Variants in NFIA observed in about 807,000 individuals in gnomAD.
NFIA encodes the protein nuclear factor I A, also known as nuclear factor 1 A-type.
A neutral mutation model predicts 62.8 loss-of-function variants in NFIA; 8 were observed. That is an observed-to-expected ratio of 0.13 (90% CI 0.07 to 0.23). NFIA has a LOEUF of 0.23. Ranked by LOEUF, NFIA falls within the 10% of genes least tolerant of loss-of-function variation. The pLI is 1.00. For synonymous variants in NFIA, 235 were observed against 238.1 expected, an observed-to-expected ratio of 0.99 and a Z score of 0.12; for missense variants, 410 against 642.1, an observed-to-expected ratio of 0.64 and a Z score of 3.91.
chr1:61,238,182 G>A lies in NFIA; in HGVS notation c.560-39338G>A, dbSNP rs567152473. On this transcript the variant is annotated intron_variant, in intron 2 of 10. Transcript: ENST00000403491. Reference sequence around the variant, plus strand: ...TAGCTTCTCGAATAACCCATTTTGTGTTAATTTATGTGAAAGGGAAGAAGT... The same window carrying A: ...TAGCTTCTCGAATAACCCATTTTGTATTAATTTATGTGAAAGGGAAGAAGT... Among the ~76,000 whole-genome samples, 6 of 152,276 alleles carry A rather than the reference G, an allele frequency of 3.9e-5. No homozygotes were observed. In the East Asian group the frequency reaches 9.6e-4, roughly 24 times the overall value.
At chr1:61,323,663 C>G (rs976770465) in intron 3 of NFIA, among the ~76,000 whole-genome samples, 12 of 152,054 alleles carry the variant, frequency 7.9e-5, no homozygotes, top group Non-Finnish European at 1.5e-4. Flanking sequence ...CAGAAACATC[C>G]CTGCACCTGA....
chr1:61,229,026 A>G (rs1011629544), intron 2 of NFIA, among the ~76,000 whole-genome samples: 4 of 152,158 alleles, frequency 2.6e-5, no homozygotes, highest in Non-Finnish European at 4.4e-5. Flanking sequence ...GAATGCAAAT[A>G]TATTGCCCAA....
At chr1:61,403,972 T>C in intron 7 of NFIA, 132 bp from the exon 8 acceptor site, 1 of 1,018,048 alleles carries the variant, frequency 9.8e-7, no homozygotes, top group Non-Finnish European at 1.5e-6. Flanking sequence ...ACCTATCCAG[T>C]GTTAAATTCA....
intron 2 of NFIA, among the ~76,000 whole-genome samples, chr1:61,154,966 C>T (rs931958634): frequency 6.6e-6 from 1 of 152,184 alleles, no homozygotes; most frequent in Non-Finnish European, 1.5e-5. Context: ...AGCTTAGGCT[C>T]TGGGGTTCCT....
At chr1:61,320,652 A>C (rs189863846) in intron 3 of NFIA, among the ~76,000 whole-genome samples, 2 of 152,248 alleles carry the variant, frequency 1.3e-5, no homozygotes, top group Non-Finnish European at 2.9e-5. Flanking sequence ...AAATTAGCAC[A>C]TGGCCCCTGG....
At chr1:61,219,723 A>AAAAAAAAAAG (rs1487149998) in intron 2 of NFIA, among the ~76,000 whole-genome samples, 11 of 137,680 alleles carry the variant, frequency 8.0e-5, no homozygotes, top group African/African-American at 3.2e-4. Flanking sequence ...CAAAAAAAAA[A>AAAAAAAAAAG]AAAGAAAAAA....
intron 10 of NFIA, among the ~76,000 whole-genome samples, chr1:61,447,521 G>A (rs772060572): frequency 1.1e-4 from 16 of 152,076 alleles, no homozygotes; most frequent in Non-Finnish European, 1.3e-4. Context: ...TGCATTTTCC[G>A]CAGCAGAGCC....
At chr1:61,224,390 CATTAATAT>C (rs1654201683) in intron 2 of NFIA, among the ~76,000 whole-genome samples, 1 of 152,032 alleles carries the variant, frequency 6.6e-6, no homozygotes, top group South Asian at 2.1e-4. Context: ...TCATGACGCA[CATTAATAT>C]ATTAGAGGGT....
At chr1:61,219,672 C>A (rs945781492) in intron 2 of NFIA, among the ~76,000 whole-genome samples, 1 of 149,242 alleles carries the variant, frequency 6.7e-6, no homozygotes, top group African/African-American at 2.5e-5. Flanking sequence ...CGAGATCGCG[C>A]CATTGCCCTC....
chr1:61,292,532 T>C (rs1368980603), intron 3 of NFIA, among the ~76,000 whole-genome samples: 1 of 152,172 alleles, frequency 6.6e-6, no homozygotes, highest in Non-Finnish European at 1.5e-5. Flanking sequence ...TGAGTACATA[T>C]TCTAGCAAAG....
At chr1:61,154,132 A>G (rs1240095166) in intron 2 of NFIA, among the ~76,000 whole-genome samples, 1 of 152,148 alleles carries the variant, frequency 6.6e-6, no homozygotes. Context: ...AAAAACACAC[A>G]TTTGTTTTAT....
chr1:61,152,164 C>T (rs1374578500), intron 2 of NFIA, among the ~76,000 whole-genome samples: 1 of 152,158 alleles, frequency 6.6e-6, no homozygotes, highest in Non-Finnish European at 1.5e-5. Flanking sequence ...ATTCTCTCCT[C>T]CTATCAGCTA....
At chr1:61,252,743 C>T (rs1421625642) in intron 2 of NFIA, among the ~76,000 whole-genome samples, 1 of 152,086 alleles carries the variant, frequency 6.6e-6, no homozygotes, top group Non-Finnish European at 1.5e-5. Context: ...AAAGATTGGC[C>T]AAAGAATGTA....
chr1:61,432,593 GTATA>G (rs66556050), intron 10 of NFIA, among the ~76,000 whole-genome samples: 4,212 of 144,756 alleles, frequency 0.029, 162 homozygotes, highest in African/African-American at 0.088. Context: ...ATATATGTGT[GTATA>G]TATATATATA....
At chr1:61,219,838 C>T (rs1653906980) in intron 2 of NFIA, among the ~76,000 whole-genome samples, 1 of 152,164 alleles carries the variant, frequency 6.6e-6, no homozygotes, top group African/African-American at 2.4e-5. Flanking sequence ...GTGGCCCACG[C>T]CTTAGTCCCA....
chr1:61,418,577 T>C (rs528206662), intron 9 of NFIA, among the ~76,000 whole-genome samples: 5 of 152,364 alleles, frequency 3.3e-5, no homozygotes, highest in Non-Finnish European at 5.9e-5. Flanking sequence ...TATATGTGTG[T>C]ATTATACAGT....
intron 6 of NFIA, among the ~76,000 whole-genome samples, chr1:61,365,385 C>G (rs1344421): frequency 0.83 from 125,378 of 151,696 alleles, 51,906 homozygotes; most frequent in East Asian, 0.95. Context: ...ATGTCACGCT[C>G]TCCAACCGTT....
chr1:61,410,718 G>A lies in NFIA; in HGVS notation c.1420+3991G>A, dbSNP rs370531073. Among the ~76,000 whole-genome samples, 30 of 152,070 alleles carry A rather than the reference G, an allele frequency of 2.0e-4. No individual in the cohort carries two copies. The East Asian group carries it at 3.9e-3, about 20-fold the overall frequency. On this transcript the variant is annotated intron_variant, in intron 9 of 10. Transcript: ENST00000403491. ...GCTCAGGAGTTCGAGACCAGCCTGG[G>A]CAATGTGGTGAAACCCCATCTCTAC... is the stretch of plus-strand genomic sequence containing the variant.
chr1:61,082,035 G>A, upstream of NFIA: 4 of 1,548,844 alleles, frequency 2.6e-6, no homozygotes, highest in Non-Finnish European at 3.5e-6. Context: ...AGTTGCCCAA[G>A]TCCTCCACCG....
Sources: allele counts gnomAD v4.1 joint callset (sites outside exome capture counted in the v4.1 genomes callset), GRCh38; gene constraint gnomAD v4.1.1; transcripts MANE v1.5; gene names NCBI Gene and HGNC (gene_info 2026-07-23, HGNC 2026-07-21).